Variants in ANOS1 observed in about 807,000 individuals in gnomAD.
ANOS1 encodes anosmin 1.
In ANOS1, 6 loss-of-function variants were observed where a neutral mutation model predicts 59.0. That is an observed-to-expected ratio of 0.10 (90% confidence interval 0.06 to 0.20). ANOS1 has a LOEUF of 0.20. Among genes scored for constraint, ANOS1 ranks in the 10% least tolerant of loss-of-function variants. The pLI is 1.00. For missense variants in ANOS1, 433 were observed against 542.3 expected (o/e 0.80, Z 2.00); for synonymous variants, 217 against 223.4 (o/e 0.97, Z 0.25).
chrX:8,579,339 C>T (rs1318641677), intron 6 of ANOS1, among the ~76,000 whole-genome samples: 1 of 110,673 alleles, frequency 9.0e-6, no homozygotes, highest in Non-Finnish European at 1.9e-5. Flanking sequence ...ATGTAAAGCT[C>T]GTCAGATTTT....
At chrX:8,659,426 TTTTC>T (rs1196736989) in intron 2 of ANOS1, among the ~76,000 whole-genome samples, 7 of 108,128 alleles carry the variant, frequency 6.5e-5, no homozygotes, top group African/African-American at 1.0e-4. Context: ...CTCTCTTTCT[TTTTC>T]TTTCTTTCTT....
intron 8 of ANOS1, among the ~76,000 whole-genome samples, chrX:8,554,419 T>C (rs773998663): frequency 1.8e-5 from 2 of 111,124 alleles, no homozygotes; most frequent in African/African-American, 6.5e-5. Flanking sequence ...TAACTACGCT[T>C]TTCCCACTGT....
chrX:8,611,668 C>T (rs190864838), intron 3 of ANOS1, among the ~76,000 whole-genome samples: 4 of 109,231 alleles, frequency 3.7e-5, no homozygotes, highest in East Asian at 2.9e-4. Flanking sequence ...ATATGCATGT[C>T]GGAAGAAAAT....
chrX:8,731,399 G>A (rs1932975622), intron 1 of ANOS1, among the ~76,000 whole-genome samples: 3 of 111,747 alleles, frequency 2.7e-5, no homozygotes, highest in African/African-American at 9.8e-5. Flanking sequence ...GGCTCGAGGT[G>A]AGGTCCCCAG....
At chrX:8,682,582 C>A (rs1932442744) in intron 2 of ANOS1, among the ~76,000 whole-genome samples, 1 of 111,349 alleles carries the variant, frequency 9.0e-6, no homozygotes, top group Non-Finnish European at 1.9e-5. Flanking sequence ...AACAAAATCA[C>A]TTGCTCAAGA....
At chrX:8,706,012 C>T (rs1485762400) in intron 1 of ANOS1, among the ~76,000 whole-genome samples, 6 of 112,293 alleles carry the variant, frequency 5.3e-5, no homozygotes, top group African/African-American at 9.7e-5. Flanking sequence ...TGCACCCAGC[C>T]GTTATTTCAA....
rs1047739500 is a variant in ANOS1 at position 8,586,519 on chromosome X, A to C, written c.727-1123T>G. Reference sequence around the variant, plus strand: ...CTACATGTAGCACTAACAGTAAAAAATAATACCAGCAACAATAATAAAAGA... The same window carrying C: ...CTACATGTAGCACTAACAGTAAAAACTAATACCAGCAACAATAATAAAAGA... On this transcript the variant is annotated intron_variant, in intron 5 of 13. Transcript: ENST00000262648. Among the ~76,000 whole-genome samples the C allele has an allele frequency of 1.1e-4, 12 of 112,311 alleles. No individual in the cohort carries two copies. In the South Asian group the frequency reaches 1.5e-3, roughly 14 times the overall value.
chrX:8,585,416 A>G lies in ANOS1; in HGVS notation c.727-20T>C, dbSNP rs757806192. ...TGTGGTCTGAGGGGACATGTCACAG[A>G]GCACAGGGAACATGTCACTTTTTAT... On this transcript the variant is annotated intron_variant, in intron 5 of 13. Coordinates refer to ENST00000262648, the MANE Select transcript of ANOS1 (RefSeq NM_000216.4). 4 of 1,209,533 alleles carry G rather than the reference A, an allele frequency of 3.3e-6. No individual in the cohort carries two copies. The highest frequency in any genetic ancestry group is 4.5e-6 in the Non-Finnish European group (4 of 893,664).
At chrX:8,567,330 A>G (rs1317143054) in intron 8 of ANOS1, among the ~76,000 whole-genome samples, 1 of 111,648 alleles carries the variant, frequency 9.0e-6, no homozygotes, top group Admixed American at 9.5e-5. Context: ...AGTAATTATG[A>G]CCACTGTGTA....
rs778874655 is a variant in ANOS1, at chrX:8,624,307, C to T, written c.256-637G>A. Among the ~76,000 whole-genome samples the T allele has an allele frequency of 1.3e-4, 15 of 111,597 alleles. No homozygotes were observed. The East Asian group carries it at 1.4e-3, about 10-fold the overall frequency. On this transcript the variant is annotated intron_variant, in intron 2 of 13. Coordinates refer to ENST00000262648, the MANE Select transcript of ANOS1 (RefSeq NM_000216.4). ...TTGGGATTACAGGCGTGAGCCACTG[C>T]GCCCAGCCAAGAAATACTTTCTAAA...
chrX:8,552,833 A>C (rs1929878536), intron 9 of ANOS1, among the ~76,000 whole-genome samples: 1 of 109,670 alleles, frequency 9.1e-6, no homozygotes, highest in Non-Finnish European at 1.9e-5. Context: ...AAAATTATTA[A>C]CTGTAATATA....
At position 8,602,730 on chromosome X, in the gene ANOS1, A is replaced by AATTATTATTATTATTATT. The variant is rs758760034; in HGVS notation, c.319-5492_319-5475dup. Among the ~76,000 whole-genome samples the AATTATTATTATTATTATT allele has an allele frequency of 2.6e-3, 285 of 108,963 alleles. 2 individuals are homozygous for AATTATTATTATTATTATT. The highest frequency in any genetic ancestry group is 9.2e-3 in the African/African-American group (275 of 30,054). The allele number at this position is 108,963 out of a possible 115,157, so 94.6% of individuals were successfully genotyped here. A position where few individuals can be genotyped will look rare whatever the true frequency, so the allele number is the denominator to read the frequency against. On this transcript the variant is annotated intron_variant, in intron 3 of 13. Coordinates refer to ENST00000262648, the MANE Select transcript of ANOS1 (RefSeq NM_000216.4). ...ACGAATCACACAAATGTCACTCTCAAATTATTATTATTATTATTATTATTA... is the reference window on the plus strand; with the variant it reads ...ACGAATCACACAAATGTCACTCTCAAATTATTATTATTATTATTATTATTATTATTATTATTATTATTA...
At chrX:8,596,182 T>C (rs1377456743) in intron 4 of ANOS1, among the ~76,000 whole-genome samples, 3 of 111,247 alleles carry the variant, frequency 2.7e-5, no homozygotes, top group Non-Finnish European at 1.9e-5. Flanking sequence ...AAATGTAATG[T>C]GCTTGAATCA....
chrX:8,608,067 C>T (rs1327927937), intron 3 of ANOS1, among the ~76,000 whole-genome samples: 2 of 111,761 alleles, frequency 1.8e-5, no homozygotes, highest in East Asian at 5.6e-4. Flanking sequence ...CCCTTCAGAG[C>T]TTGACAAATA....
At chrX:8,553,841 C>A in intron 9 of ANOS1, 111 bp downstream of exon 9, 1 of 669,194 alleles carries the variant, frequency 1.5e-6, no homozygotes, top group Non-Finnish European at 2.4e-6. Flanking sequence ...TGTTCAACAA[C>A]CGTTTGCCTT....
intron 6 of ANOS1, among the ~76,000 whole-genome samples, chrX:8,576,077 C>G (rs1906003436): frequency 9.0e-6 from 1 of 111,507 alleles, no homozygotes; most frequent in Non-Finnish European, 1.9e-5. Context: ...CCACTGCATT[C>G]CAGCCTGGAT....
rs780617618 is a variant in ANOS1 at position 8,536,886 on chromosome X, G to T, written c.1506C>A (p.Val502=). The T allele has an allele frequency of 8.3e-7, 1 of 1,206,025 alleles. No homozygotes were observed. Among genetic ancestry groups the T allele is most frequent in the African/African-American group, 1.8e-5 (1 of 56,978 alleles). Residue 502 remains valine (V), a synonymous_variant, in exon 11 of 14, where the codon GTC becomes GTA. Transcript: ENST00000262648. ...LSFSCKYKVT[V]QPIRPKSHSK... The stretch of plus-strand genomic sequence containing the variant: ...AGTGACTTTTTGGCCGTATTGGTTG[G>T]ACAGTCACCTTATACTTGCAGGAAA...
intron 8 of ANOS1, among the ~76,000 whole-genome samples, chrX:8,555,715 CA>C (rs1929939489): frequency 1.8e-5 from 2 of 111,346 alleles, no homozygotes; most frequent in South Asian, 3.7e-4. Flanking sequence ...GCCTACCAAC[CA>C]AAAAAAGCCC....
At chrX:8,614,006 C>T (rs1179175652) in intron 3 of ANOS1, among the ~76,000 whole-genome samples, 4 of 111,930 alleles carry the variant, frequency 3.6e-5, no homozygotes, top group Non-Finnish European at 5.6e-5. Flanking sequence ...TCAGAATCTG[C>T]ATTAAAGCAG....
Sources: allele counts gnomAD v4.1 joint callset (sites outside exome capture counted in the v4.1 genomes callset), GRCh38; gene constraint gnomAD v4.1.1; transcripts MANE v1.5; gene names NCBI Gene and HGNC (gene_info 2026-07-23, HGNC 2026-07-21).